The following CTNNA2 variants were observed in gnomAD, a reference collection of about 807,000 sequenced individuals.
CTNNA2 encodes catenin alpha-2.
In CTNNA2, 42 loss-of-function variants were observed where a neutral mutation model predicts 101.0. That is an observed-to-expected ratio of 0.42 (90% confidence interval 0.32 to 0.54). The LOEUF (loss-of-function observed/expected upper bound fraction) is 0.54. Ranked by LOEUF, CTNNA2 falls within the 20% of genes least tolerant of loss-of-function variation. The pLI is 0.14. For missense variants in CTNNA2, 871 were observed against 1,223.1 expected, an observed-to-expected ratio of 0.71 and a Z score of 4.29; for synonymous variants, 450 against 456.4, an observed-to-expected ratio of 0.99 and a Z score of 0.18.
At chr2:79,569,342 A>G (rs908931741) in intron 1 of CTNNA2, among the ~76,000 whole-genome samples, 1 of 152,112 alleles carries the variant, frequency 6.6e-6, no homozygotes, top group Non-Finnish European at 1.5e-5. Context: ...TGAGGTATGA[A>G]TGCATACGGC....
intron 7 of CTNNA2, among the ~76,000 whole-genome samples, chr2:79,965,827 CAAAAAAAA>C (rs10686940): frequency 3.8e-5 from 3 of 77,996 alleles, no homozygotes; most frequent in East Asian, 3.6e-4. Flanking sequence ...GAGACTATGT[CAAAAAAAA>C]AAAAAAAAAA....
intron 7 of CTNNA2, among the ~76,000 whole-genome samples, chr2:80,319,202 T>G (rs1678439937): frequency 6.6e-6 from 1 of 152,194 alleles, no homozygotes; most frequent in African/African-American, 2.4e-5. Context: ...CATAATTTTC[T>G]AAAAGAATTT....
At chr2:80,374,430 G>A (rs752693901) in intron 7 of CTNNA2, among the ~76,000 whole-genome samples, 9 of 152,134 alleles carry the variant, frequency 5.9e-5, no homozygotes, top group Non-Finnish European at 1.0e-4. Flanking sequence ...TGGTGTATAT[G>A]TAACACATCT....
chr2:80,018,416 G>T (rs1229475075), intron 7 of CTNNA2, among the ~76,000 whole-genome samples: 1 of 152,120 alleles, frequency 6.6e-6, no homozygotes, highest in Non-Finnish European at 1.5e-5. Flanking sequence ...TTCACCACTC[G>T]TAATTCAGTG....
intron 9 of CTNNA2, among the ~76,000 whole-genome samples, chr2:80,431,667 A>G (rs770666199): frequency 3.3e-5 from 5 of 152,174 alleles, no homozygotes; most frequent in Non-Finnish European, 7.4e-5. Flanking sequence ...GATCGGCAAT[A>G]TGGAACCCAT....
chr2:80,500,735 A>T (rs1205676210), intron 9 of CTNNA2, among the ~76,000 whole-genome samples: 1 of 152,140 alleles, frequency 6.6e-6, no homozygotes, highest in Non-Finnish European at 1.5e-5. Context: ...TTCAGTGTGT[A>T]CTGGGTAGAG....
intron 17 of CTNNA2, among the ~76,000 whole-genome samples, chr2:80,617,566 C>CT (rs528107249): frequency 2.6e-5 from 4 of 151,490 alleles, no homozygotes; most frequent in African/African-American, 4.8e-5. Flanking sequence ...ATATGCAAGA[C>CT]TTTTTTTTCT....
At chr2:79,695,812 C>T (rs1009783300) in intron 2 of CTNNA2, among the ~76,000 whole-genome samples, 39 of 151,954 alleles carry the variant, frequency 2.6e-4, no homozygotes, top group Admixed American at 3.9e-4. Flanking sequence ...CTTGTCTTGG[C>T]TGAGAACTCA....
chr2:79,738,251 G>A (rs770014198), intron 2 of CTNNA2, among the ~76,000 whole-genome samples: 19 of 152,264 alleles, frequency 1.2e-4, no homozygotes, highest in Non-Finnish European at 2.4e-4. Flanking sequence ...GATTAAGGTC[G>A]AAGGACCCTA....
At chr2:79,906,293 TAC>T (rs35256196) in intron 6 of CTNNA2, among the ~76,000 whole-genome samples, 99 of 149,328 alleles carry the variant, frequency 6.6e-4, no homozygotes, top group South Asian at 1.3e-3. Flanking sequence ...TCATCCGGGA[TAC>T]ACACACACAC....
At chr2:79,261,876 A>C (rs1674926776) in intron 2 of CTNNA2, among the ~76,000 whole-genome samples, 1 of 152,236 alleles carries the variant, frequency 6.6e-6, no homozygotes, top group South Asian at 2.1e-4. Flanking sequence ...TCAGCTAACT[A>C]GTTTTTCACA....
At position 80,417,814 on chromosome 2, in the gene CTNNA2, T is replaced by C. The variant is rs558179421; in HGVS notation, c.1138-1635T>C. Among the ~76,000 whole-genome samples the C allele has an allele frequency of 3.3e-5, 5 of 152,278 alleles. No homozygotes were observed. In the South Asian group the frequency reaches 1.0e-3, roughly 32 times the overall value. ...ATTATGTTTCTTAATCTAATTTTTC[T>C]TATAACTTTGGATGAGATTTGGCCT... On this transcript the variant is annotated intron_variant, in intron 8 of 18. Coordinates refer to ENST00000402739, the MANE Select transcript of CTNNA2 (RefSeq NM_001282597.3).
chr2:79,399,752 T>C (rs920876980), intron 4 of CTNNA2, among the ~76,000 whole-genome samples: 1 of 151,676 alleles, frequency 6.6e-6, no homozygotes, highest in Non-Finnish European at 1.5e-5. Context: ...GAAAAGTCAA[T>C]AGAAATGGTC....
chr2:80,303,834 C>A lies in CTNNA2; in HGVS notation c.1057-89377C>A, dbSNP rs1676629283. 1.3e-6 allele frequency: 2 copies of A among 1,499,334 alleles called. No homozygotes were observed. Among genetic ancestry groups the A allele is most frequent in the Non-Finnish European group, 1.8e-6 (2 of 1,123,862 alleles). 92.9% of individuals were successfully genotyped at this position (1,499,334 alleles called of 1,614,324 possible). ...AGGAAATCCATTAGCGAGAATCTTTCCAGAGAGACTGGAGAATGTCCATTG... is the reference window on the plus strand; with the variant it reads ...AGGAAATCCATTAGCGAGAATCTTTACAGAGAGACTGGAGAATGTCCATTG... On this transcript the variant is annotated intron_variant, in intron 7 of 18. Transcript: ENST00000402739. The surrounding 1 kb of genome is among the most constrained non-coding windows in gnomAD (Gnocchi z 7.7).
chr2:79,480,140 A>G (rs898142386), intron 4 of CTNNA2, among the ~76,000 whole-genome samples: 6 of 151,990 alleles, frequency 3.9e-5, no homozygotes, highest in Non-Finnish European at 8.8e-5. Flanking sequence ...GGGAGGTCCC[A>G]GGCTCTTTTT....
At chr2:79,543,315 G>T (rs1358284633) in intron 1 of CTNNA2, among the ~76,000 whole-genome samples, 6 of 152,140 alleles carry the variant, frequency 3.9e-5, no homozygotes. Context: ...TCCTATAAAA[G>T]AGTGTTAGGA....
intron 3 of CTNNA2, among the ~76,000 whole-genome samples, chr2:79,338,159 T>C (rs572614448): frequency 6.7e-6 from 1 of 149,602 alleles, no homozygotes; most frequent in Admixed American, 6.7e-5. Flanking sequence ...GGCAGGAGAA[T>C]CGCTTGAACT....
At chr2:79,768,530 T>G (rs1297599235) in intron 3 of CTNNA2, among the ~76,000 whole-genome samples, 1 of 151,782 alleles carries the variant, frequency 6.6e-6, no homozygotes, top group Non-Finnish European at 1.5e-5. Flanking sequence ...CCTCCCCAGC[T>G]TTCTTGTCTT....
chr2:79,886,352 A>T (rs1683860495), intron 6 of CTNNA2, among the ~76,000 whole-genome samples: 2 of 152,056 alleles, frequency 1.3e-5, no homozygotes, highest in African/African-American at 4.8e-5. Flanking sequence ...GATGGGGAAA[A>T]GTCAGTCTAA....
Sources: gnomAD v4.1 joint callset for allele counts (sites outside exome capture counted in the v4.1 genomes callset) on GRCh38, gnomAD v4.1.1 for gene constraint, Gnocchi (gnomAD v3.1) non-coding constraint, MANE v1.5 for transcripts, NCBI Gene and HGNC (gene_info 2026-07-23, HGNC 2026-07-21) for gene names.